The following CELF2 variants were observed in gnomAD, a reference collection of about 807,000 sequenced individuals.
CELF2 encodes the protein CUG triplet repeat RNA-binding protein 2.
A neutral mutation model predicts 62.6 loss-of-function variants in CELF2; 8 were observed. The observed-to-expected ratio is 0.13, with a 90% CI of 0.07 to 0.23. CELF2 has a LOEUF of 0.23. Among genes scored for constraint, CELF2 ranks in the 10% least tolerant of loss-of-function variants. The probability of loss-of-function intolerance (pLI) is 1.00; values close to 1 mark genes in which losing one functional copy is unlikely to be tolerated. For missense variants in CELF2, 333 were observed against 671.0 expected, an observed-to-expected ratio of 0.50 and a Z score of 5.56; for synonymous variants, 258 against 250.0, an observed-to-expected ratio of 1.03 and a Z score of -0.30.
At chr10:11,054,920 G>A (rs553917093) in intron 1 of CELF2, among the ~76,000 whole-genome samples, 2 of 152,252 alleles carry the variant, frequency 1.3e-5, no homozygotes, top group Admixed American at 6.5e-5. Flanking sequence ...TCACTATGTT[G>A]GCCAGACTGG....
rs1289278468 is a variant in CELF2 at position 11,332,561 on chromosome 10, C to G, written c.*3508C>G. 1 of 151,488 alleles carries G rather than the reference C, an allele frequency of 6.6e-6. No homozygotes were observed. The allele number at this position is 151,488 out of a possible 1,614,324, so 9.4% of individuals were successfully genotyped here. On this transcript the variant is annotated 3_prime_UTR_variant, in exon 13 of 13. Coordinates refer to ENST00000633077, the MANE Select transcript of CELF2 (RefSeq NM_001326342.2). ...CCATATGACTTTCTACGAACAGGTA[C>G]CTTGCTGTCTTGACAAATCCTAATG...
chr10:11,283,933 T>G (rs61830943), intron 8 of CELF2, among the ~76,000 whole-genome samples: 3 of 68,390 alleles, frequency 4.4e-5, no homozygotes, highest in Non-Finnish European at 6.8e-5. Context: ...TGGATGAGTG[T>G]GTGGTGGGTG....
At chr10:11,119,864 T>TCCCCCCCCCC (rs57433204) in intron 1 of CELF2, among the ~76,000 whole-genome samples, 4 of 112,182 alleles carry the variant, frequency 3.6e-5, no homozygotes, top group African/African-American at 1.3e-4. Context: ...TGATTCCGCC[T>TCCCCCCCCCC]CCCCCCCCCC....
chr10:10,859,296 T>C (rs970747545), intron 1 of CELF2, among the ~76,000 whole-genome samples: 1 of 152,196 alleles, frequency 6.6e-6, no homozygotes, highest in Non-Finnish European at 1.5e-5. Context: ...TTTATTATCC[T>C]AATTAGAATC....
At chr10:10,728,488 A>G in the CELF2 span, among the ~76,000 whole-genome samples, 191 of 151,242 alleles carry the variant, frequency 1.3e-3, no homozygotes, top group African/African-American at 4.4e-3. Context: ...AGAGAAAAAA[A>G]TGCAAGCAAA....
chr10:10,736,259 G>C, the CELF2 span, among the ~76,000 whole-genome samples: 3 of 152,020 alleles, frequency 2.0e-5, no homozygotes, highest in Non-Finnish European at 4.4e-5. Flanking sequence ...TTAAAACGAA[G>C]GTGCTACGAA....
At chr10:11,106,393 T>C (rs1460686984) in intron 1 of CELF2, among the ~76,000 whole-genome samples, 1 of 152,154 alleles carries the variant, frequency 6.6e-6, no homozygotes, top group East Asian at 1.9e-4. Context: ...TGCACCACCG[T>C]GCCCGGCTAA....
chr10:10,482,710 C>A, the CELF2 span, among the ~76,000 whole-genome samples: 2 of 152,192 alleles, frequency 1.3e-5, no homozygotes, highest in Non-Finnish European at 2.9e-5. Context: ...CTAATTCCTA[C>A]AGATAGTAAA....
intron 2 of CELF2, among the ~76,000 whole-genome samples, chr10:11,208,445 G>A (rs2060963780): frequency 6.6e-6 from 1 of 152,210 alleles, no homozygotes. Context: ...AGTATGGTCA[G>A]CCATGTAGTA....
intron 3 of CELF2, among the ~76,000 whole-genome samples, chr10:11,229,210 A>G (rs1350277653): frequency 1.3e-5 from 2 of 152,212 alleles, no homozygotes; most frequent in African/African-American, 4.8e-5. Context: ...CTGCAAGGTT[A>G]TGCCAAGCAT....
chr10:10,583,953 G>A, the CELF2 span, among the ~76,000 whole-genome samples: 1 of 152,128 alleles, frequency 6.6e-6, no homozygotes, highest in African/African-American at 2.4e-5. Flanking sequence ...GTCTAAAAAG[G>A]ATCCAAGCGG....
rs1470457359 is a variant in CELF2 at position 11,178,593 on chromosome 10, G to C, written c.271+12911G>C. On this transcript the variant is annotated intron_variant, in intron 2 of 12. Coordinates refer to ENST00000633077, the MANE Select transcript of CELF2 (RefSeq NM_001326342.2). The surrounding 1 kb of genome is among the most constrained non-coding windows in gnomAD (Gnocchi z 4.3). Reference sequence around the variant, plus strand: ...ATAGTTTTTTAAGTGGGACATGTCAGGCTTTTATGCCACAGATTAAACTCC... The same window carrying C: ...ATAGTTTTTTAAGTGGGACATGTCACGCTTTTATGCCACAGATTAAACTCC... 6.6e-6 allele frequency among the ~76,000 whole-genome samples: 1 copy of C among 152,238 alleles called. No individual in the cohort carries two copies. Among genetic ancestry groups the C allele is most frequent in the African/African-American group, 2.4e-5 (1 of 41,460 alleles).
the CELF2 span, among the ~76,000 whole-genome samples, chr10:10,756,661 G>C: frequency 6.6e-6 from 1 of 152,000 alleles, no homozygotes; most frequent in African/African-American, 2.4e-5. Context: ...TATTTTTATT[G>C]ATTCCTTTAT....
At chr10:10,545,389 A>G in the CELF2 span, among the ~76,000 whole-genome samples, 12 of 152,204 alleles carry the variant, frequency 7.9e-5, no homozygotes, top group African/African-American at 2.4e-4. Context: ...CACTGGATTA[A>G]CTGGATTTCT....
intron 2 of CELF2, among the ~76,000 whole-genome samples, chr10:10,998,293 T>G (rs1424501890): frequency 6.6e-6 from 1 of 152,150 alleles, no homozygotes; most frequent in Non-Finnish European, 1.5e-5. Flanking sequence ...GCAATATCCT[T>G]CCTCACTCAG....
chr10:10,664,196 A>G, the CELF2 span, among the ~76,000 whole-genome samples: 1 of 152,222 alleles, frequency 6.6e-6, no homozygotes, highest in Non-Finnish European at 1.5e-5. Flanking sequence ...TAATAGGCAT[A>G]TCAATATAAT....
In CELF2 at chr10:11,244,631, C is replaced by T. The variant is rs1180436729; in HGVS notation, c.355-4522C>T. Among the ~76,000 whole-genome samples the T allele has an allele frequency of 2.0e-5, 3 of 150,378 alleles. No homozygotes were observed. Among genetic ancestry groups the T allele is most frequent in the Non-Finnish European group, 3.0e-5 (2 of 67,702 alleles). On this transcript the variant is annotated intron_variant, in intron 3 of 12. Transcript: ENST00000633077. The surrounding 1 kb of genome is among the most constrained non-coding windows in gnomAD (Gnocchi z 4.2). ...GATCATGCCACTGCACTCCATCCAG[C>T]CTAGGTGACAGAGCAAGACTCCGTC...
chr10:10,470,545 T>C, the CELF2 span, among the ~76,000 whole-genome samples: 1 of 151,812 alleles, frequency 6.6e-6, no homozygotes, highest in Admixed American at 6.6e-5. Flanking sequence ...CTTCTGGAAG[T>C]CACACATATC....
intron 2 of CELF2, among the ~76,000 whole-genome samples, chr10:11,213,040 G>T (rs954257449): frequency 6.6e-6 from 1 of 152,320 alleles, no homozygotes; most frequent in East Asian, 1.9e-4. Flanking sequence ...GAAGCACCTG[G>T]TTCATCAGAC....
Sources: allele counts gnomAD v4.1 joint callset (sites outside exome capture counted in the v4.1 genomes callset), GRCh38; gene constraint gnomAD v4.1.1; non-coding constraint Gnocchi (gnomAD v3.1); transcripts MANE v1.5; gene names NCBI Gene and HGNC (gene_info 2026-07-23, HGNC 2026-07-21).